Variants in ITGBL1 observed in about 807,000 individuals in gnomAD.
ITGBL1 encodes the protein integrin subunit beta like 1, also known as integrin beta-like protein 1.
ITGBL1 carries 51 observed loss-of-function variants against 68.5 expected under a neutral mutation model. That is an observed-to-expected ratio of 0.74 (90% CI 0.59 to 0.94). The LOEUF is 0.94. ITGBL1 is among the 40% of genes least tolerant of loss of function. The probability of loss-of-function intolerance (pLI) is 0.00; values close to 1 mark genes in which losing one functional copy is unlikely to be tolerated. For synonymous variants in ITGBL1, 209 were observed against 227.3 expected, an observed-to-expected ratio of 0.92 and a Z score of 0.72; for missense variants, 649 against 647.4, an observed-to-expected ratio of 1.00 and a Z score of -0.03.
rs11465037 is a variant in ITGBL1 at position 101,606,606 on chromosome 13, T to TAA, written c.1015+8313_1015+8314dup. On this transcript the variant is annotated intron_variant, in intron 7 of 10. Coordinates refer to ENST00000376180, the MANE Select transcript of ITGBL1 (RefSeq NM_004791.3). ...CCTGAGCATCAGTTTGACTTTGGTT[T>TAA]AAAAAAATGTGAGTAAAGTTAATTT... Among the ~76,000 whole-genome samples, 16 of 151,792 alleles carry TAA rather than the reference T, an allele frequency of 1.1e-4. No individual in the cohort carries two copies. The East Asian group carries it at 1.6e-3, about 15-fold the overall frequency.
intron 2 of ITGBL1, among the ~76,000 whole-genome samples, chr13:101,527,680 T>A (rs1272311387): frequency 1.3e-5 from 2 of 152,098 alleles, no homozygotes; most frequent in Non-Finnish European, 2.9e-5. Flanking sequence ...AGACTTGTTT[T>A]TTTCAGAGTT....
intron 6 of ITGBL1, among the ~76,000 whole-genome samples, chr13:101,585,628 C>T (rs2050541571): frequency 6.6e-6 from 1 of 152,022 alleles, no homozygotes; most frequent in Non-Finnish European, 1.5e-5. Flanking sequence ...AGAAGGGTTT[C>T]ACTGTGTTAG....
chr13:101,697,487 A>T (rs921290228), intron 8 of ITGBL1, among the ~76,000 whole-genome samples: 2 of 152,150 alleles, frequency 1.3e-5, no homozygotes, highest in African/African-American at 4.8e-5. Flanking sequence ...GCATTTTTTC[A>T]TGTAAGATTT....
intron 2 of ITGBL1, among the ~76,000 whole-genome samples, chr13:101,506,887 G>T (rs1279447358): frequency 6.6e-6 from 1 of 152,112 alleles, no homozygotes; most frequent in Non-Finnish European, 1.5e-5. Flanking sequence ...GAGAGTCATT[G>T]TTTGTTCAGT....
rs2033446373 is a variant in ITGBL1 at position 101,674,246 on chromosome 13, A to ACCT, written c.1016-18339_1016-18338insCCT. On this transcript the variant is annotated intron_variant, in intron 7 of 10. Coordinates refer to ENST00000376180, the MANE Select transcript of ITGBL1 (RefSeq NM_004791.3). ...TATCTGCTTGTCTAACCTTGGACTA[A>ACCT]TGTCAGACTTGTTTTTGATCCTTGC... Among the ~76,000 whole-genome samples, 4 of 152,314 alleles carry ACCT rather than the reference A, an allele frequency of 2.6e-5. No individual in the cohort carries two copies. The South Asian group carries it at 8.3e-4, about 32-fold the overall frequency.
At chr13:101,617,255 A>T (rs919857007) in intron 7 of ITGBL1, among the ~76,000 whole-genome samples, 3 of 152,124 alleles carry the variant, frequency 2.0e-5, no homozygotes, top group African/African-American at 7.2e-5. Flanking sequence ...GCTTTTAAAA[A>T]ATTGGAATAA....
chr13:101,608,239 A>T (rs1272507401), intron 7 of ITGBL1, among the ~76,000 whole-genome samples: 1 of 152,116 alleles, frequency 6.6e-6, no homozygotes, highest in African/African-American at 2.4e-5. Flanking sequence ...AAAGAATAGT[A>T]GCATGCCAAA....
At chr13:101,511,101 A>G (rs1329878611) in intron 2 of ITGBL1, among the ~76,000 whole-genome samples, 1 of 152,086 alleles carries the variant, frequency 6.6e-6, no homozygotes, top group Non-Finnish European at 1.5e-5. Context: ...GATATTTCCT[A>G]GATTTTCTTC....
At chr13:101,643,244 C>G (rs2032449320) in intron 7 of ITGBL1, among the ~76,000 whole-genome samples, 1 of 149,644 alleles carries the variant, frequency 6.7e-6, no homozygotes, top group Non-Finnish European at 1.5e-5. Flanking sequence ...TTTCCTTGAG[C>G]AGTGGTTTGT....
At chr13:101,625,607 C>T (rs367670120) in intron 7 of ITGBL1, among the ~76,000 whole-genome samples, 2 of 151,666 alleles carry the variant, frequency 1.3e-5, no homozygotes, top group African/African-American at 2.4e-5. Flanking sequence ...GGCTGGAGTA[C>T]AATTGCACGA....
chr13:101,651,814 G>T (rs1253970097), intron 7 of ITGBL1, among the ~76,000 whole-genome samples: 2 of 151,912 alleles, frequency 1.3e-5, no homozygotes, highest in African/African-American at 4.8e-5. Flanking sequence ...GTTTTACATT[G>T]AAGTCTTTAA....
At chr13:101,539,622 G>A (rs1389557901) in intron 2 of ITGBL1, among the ~76,000 whole-genome samples, 9 of 151,486 alleles carry the variant, frequency 5.9e-5, no homozygotes, top group South Asian at 4.2e-4. Context: ...CTGAGGAATC[G>A]CCACACTGAC....
chr13:101,566,259 T>C (rs1260131141), intron 2 of ITGBL1, among the ~76,000 whole-genome samples: 4 of 152,164 alleles, frequency 2.6e-5, no homozygotes, highest in African/African-American at 9.6e-5. Context: ...TCCAAGATAG[T>C]TGATTTATCA....
intron 2 of ITGBL1, among the ~76,000 whole-genome samples, chr13:101,524,118 C>A (rs530452143): frequency 7.3e-6 from 1 of 137,098 alleles, no homozygotes; most frequent in Non-Finnish European, 1.6e-5. Context: ...GAAAAACAAA[C>A]TTTTTTTTTA....
At chr13:101,634,209 C>T (rs903254154) in intron 7 of ITGBL1, among the ~76,000 whole-genome samples, 11 of 152,108 alleles carry the variant, frequency 7.2e-5, no homozygotes, top group Non-Finnish European at 1.6e-4. Context: ...AATTTCTACT[C>T]TGCAAAACTT....
chr13:101,598,234 C>G lies in ITGBL1; in HGVS notation c.950C>G (p.Thr317Arg), dbSNP rs201534595. Residue 317 changes from threonine to arginine, a missense_variant, in exon 7 of 11, where the codon ACG becomes AGG. Physicochemically the swap from Thr to Arg is moderately conservative, Grantham distance 71. Transcript: ENST00000376180. ...AAGTGTGAGCACCCACAGTCCTGCA[C>G]GCTGTCAGCTGAGGAGAGCATCAGG... Reference protein sequence around the residue: ...GKKCEHPQSCTLSAEESIRKC... With the variant: ...GKKCEHPQSCRLSAEESIRKC... The G allele has an allele frequency of 1.3e-5, 21 of 1,613,668 alleles. No individual in the cohort carries two copies. Among genetic ancestry groups the G allele is most frequent in the Non-Finnish European group, 1.8e-5 (21 of 1,179,900 alleles).
At chr13:101,644,487 A>C (rs547629914) in intron 7 of ITGBL1, among the ~76,000 whole-genome samples, 1 of 152,186 alleles carries the variant, frequency 6.6e-6, no homozygotes, top group African/African-American at 2.4e-5. Flanking sequence ...TAAGTAGGAT[A>C]TCCTCAGATT....
intron 7 of ITGBL1, among the ~76,000 whole-genome samples, chr13:101,647,436 G>A (rs377194862): frequency 6.6e-6 from 1 of 152,054 alleles, no homozygotes; most frequent in African/African-American, 2.4e-5. Context: ...AATAGTTTTA[G>A]CAGACCAATG....
At chr13:101,604,008 G>T (rs757103386) in intron 7 of ITGBL1, among the ~76,000 whole-genome samples, 1 of 151,652 alleles carries the variant, frequency 6.6e-6, no homozygotes, top group Non-Finnish European at 1.5e-5. Flanking sequence ...AAACCAATAG[G>T]GATATGCACT....
Sources: allele counts gnomAD v4.1 joint callset (sites outside exome capture counted in the v4.1 genomes callset), GRCh38; gene constraint gnomAD v4.1.1; transcripts MANE v1.5; gene names NCBI Gene and HGNC (gene_info 2026-07-23, HGNC 2026-07-21).